Variants in GPC6 observed in about 807,000 individuals in gnomAD.
The protein encoded by GPC6 is glypican-6.
GPC6 carries 14 observed loss-of-function variants against 55.2 expected under a neutral mutation model. The ratio of observed to expected loss-of-function variants is 0.25; its 90% CI spans 0.17 to 0.40. The LOEUF (loss-of-function observed/expected upper bound fraction) is 0.40. Ranked by LOEUF, GPC6 falls within the 10% of genes least tolerant of loss-of-function variation. The pLI is 1.00. For missense variants in GPC6, 641 were observed against 708.5 expected (o/e 0.90, Z 1.08); for synonymous variants, 278 against 259.6 (o/e 1.07, Z -0.68).
chr13:93,221,609 T>C, the GPC6 span, among the ~76,000 whole-genome samples: 2 of 152,234 alleles, frequency 1.3e-5, no homozygotes, highest in African/African-American at 4.8e-5. Context: ...TTAAATGAAC[T>C]ATTAGTATTT....
At chr13:93,377,793 G>A (rs761194868) in intron 1 of GPC6, among the ~76,000 whole-genome samples, 5 of 152,168 alleles carry the variant, frequency 3.3e-5, no homozygotes, top group African/African-American at 4.8e-5. Flanking sequence ...TTATAGAAAA[G>A]AGAATGTTTG....
chr13:93,822,123 T>C (rs1312100910), intron 2 of GPC6, among the ~76,000 whole-genome samples: 1 of 152,082 alleles, frequency 6.6e-6, no homozygotes, highest in East Asian at 1.9e-4. Flanking sequence ...ATTGTCTGTA[T>C]ATATAAATAT....
intron 3 of GPC6, among the ~76,000 whole-genome samples, chr13:93,940,722 A>T (rs1878694079): frequency 6.6e-6 from 1 of 152,198 alleles, no homozygotes; most frequent in South Asian, 2.1e-4. Flanking sequence ...GAGAATATTG[A>T]GAGTCCGTTT....
intron 2 of GPC6, among the ~76,000 whole-genome samples, chr13:93,796,467 A>G (rs1402478054): frequency 6.6e-6 from 1 of 152,176 alleles, no homozygotes; most frequent in African/African-American, 2.4e-5. Flanking sequence ...TTACTTTTAA[A>G]GAAATGTGAG....
intron 4 of GPC6, among the ~76,000 whole-genome samples, chr13:94,068,362 A>T (rs367636949): frequency 1.6e-4 from 24 of 152,298 alleles, no homozygotes; most frequent in African/African-American, 5.8e-4. Context: ...GGTTCCTCCC[A>T]TGACATGTGG....
chr13:93,559,192 G>T (rs1875629636), intron 2 of GPC6, among the ~76,000 whole-genome samples: 1 of 152,086 alleles, frequency 6.6e-6, no homozygotes, highest in African/African-American at 2.4e-5. Context: ...CTCTCAGAAG[G>T]CCGTGCTGTG....
Position 94,312,836 on chromosome 13 carries a change from A to C in GPC6, c.1152+6713A>C, listed in dbSNP as rs554534242. Among the ~76,000 whole-genome samples the C allele has an allele frequency of 9.8e-5, 15 of 152,340 alleles. No individual in the cohort carries two copies. In the South Asian group the frequency reaches 2.9e-3, roughly 29 times the overall value. On this transcript the variant is annotated intron_variant, in intron 6 of 8. Coordinates refer to ENST00000377047, the MANE Select transcript of GPC6 (RefSeq NM_005708.5). ...GATTCTCCACTTTAATTAGTTTTCT[A>C]AAGATAAATGGGTCAAGGCCAGATT...
intron 2 of GPC6, among the ~76,000 whole-genome samples, chr13:93,826,117 C>T (rs1456668617): frequency 1.3e-5 from 2 of 151,958 alleles, no homozygotes; most frequent in African/African-American, 4.8e-5. Context: ...ACCTCGGCCT[C>T]CCAAAGTGCT....
chr13:93,655,624 T>TA (rs1880626002), intron 2 of GPC6, among the ~76,000 whole-genome samples: 1 of 152,166 alleles, frequency 6.6e-6, no homozygotes, highest in African/African-American at 2.4e-5. Flanking sequence ...ACAGGAAACT[T>TA]ACCCTGAAAA....
chr13:93,274,518 T>C (rs1224876775), intron 1 of GPC6, among the ~76,000 whole-genome samples: 1 of 152,238 alleles, frequency 6.6e-6, no homozygotes, highest in Non-Finnish European at 1.5e-5. Context: ...AGTATTGCTA[T>C]ATTCATTCAC....
At chr13:93,930,889 TTG>T (rs1185355559) in intron 3 of GPC6, among the ~76,000 whole-genome samples, 1 of 152,136 alleles carries the variant, frequency 6.6e-6, no homozygotes, top group Non-Finnish European at 1.5e-5. Flanking sequence ...TGGCATCTAG[TTG>T]GCTTCTGGGG....
At chr13:93,595,373 C>T (rs568037882) in intron 2 of GPC6, among the ~76,000 whole-genome samples, 7 of 152,240 alleles carry the variant, frequency 4.6e-5, no homozygotes, top group South Asian at 2.1e-4. Context: ...CAAGTTTTAT[C>T]GCTTGTTGGC....
intron 5 of GPC6, among the ~76,000 whole-genome samples, chr13:94,296,102 G>A (rs574192316): frequency 6.6e-6 from 1 of 152,314 alleles, no homozygotes; most frequent in South Asian, 2.1e-4. Context: ...AGGGAAGAGG[G>A]AAGCACACCT....
At chr13:94,270,552 A>G (rs1227256606) in intron 4 of GPC6, among the ~76,000 whole-genome samples, 4 of 152,236 alleles carry the variant, frequency 2.6e-5, no homozygotes, top group South Asian at 4.1e-4. Flanking sequence ...AAATATTCGA[A>G]GTATCTCTGT....
At chr13:94,107,204 A>G (rs1886087635) in intron 4 of GPC6, among the ~76,000 whole-genome samples, 2 of 152,192 alleles carry the variant, frequency 1.3e-5, no homozygotes, top group African/African-American at 2.4e-5. Flanking sequence ...GAGGGCAAAT[A>G]GCTGATCCAA....
intron 1 of GPC6, among the ~76,000 whole-genome samples, chr13:93,244,928 CA>C (rs148206245): frequency 3.4e-5 from 5 of 148,672 alleles, no homozygotes; most frequent in East Asian, 2.0e-4. Flanking sequence ...CTGCCATCTT[CA>C]AAAAAAAAAC....
intron 4 of GPC6, among the ~76,000 whole-genome samples, chr13:94,174,966 G>A (rs1318266421): frequency 6.6e-6 from 1 of 152,118 alleles, no homozygotes; most frequent in African/African-American, 2.4e-5. Context: ...AAGATACAGA[G>A]CATCTCCAGG....
intron 1 of GPC6, among the ~76,000 whole-genome samples, chr13:93,331,946 G>A (rs1879862222): frequency 6.6e-6 from 1 of 152,054 alleles, no homozygotes; most frequent in East Asian, 1.9e-4. Context: ...CCATATATAA[G>A]TGATAACATG....
chr13:93,567,226 T>C (rs9589773), intron 2 of GPC6, among the ~76,000 whole-genome samples: 86,445 of 151,988 alleles, frequency 0.57, 26,603 homozygotes, highest in Non-Finnish European at 0.69. Context: ...TGTGCTGTAA[T>C]AGACACACAG....
Sources: allele counts gnomAD v4.1 joint callset (sites outside exome capture counted in the v4.1 genomes callset), GRCh38; gene constraint gnomAD v4.1.1; transcripts MANE v1.5; gene names NCBI Gene and HGNC (gene_info 2026-07-23, HGNC 2026-07-21).